Variants in FERMT2 observed in about 807,000 individuals in gnomAD.
FERMT2 encodes the protein fermitin family homolog 2.
FERMT2 carries 15 observed loss-of-function variants against 82.7 expected under a neutral mutation model. The ratio of observed to expected loss-of-function variants is 0.18; its 90% CI spans 0.12 to 0.28. The LOEUF is 0.28. FERMT2 is among the 10% of genes least tolerant of loss of function. The pLI is 1.00. For synonymous variants in FERMT2, 274 were observed against 271.5 expected, an observed-to-expected ratio of 1.01 and a Z score of -0.09; for missense variants, 645 against 809.4, an observed-to-expected ratio of 0.80 and a Z score of 2.46.
intron 4 of FERMT2, 119 bp downstream of exon 4, chr14:52,893,174 T>G (rs1464438803): frequency 1.1e-6 from 1 of 908,798 alleles, no homozygotes; most frequent in African/African-American, 1.7e-5. Context: ...TTGAAGTTTT[T>G]GTTTTTTTAA....
At chr14:52,906,212 CAG>C (rs1427986953) in intron 3 of FERMT2, among the ~76,000 whole-genome samples, 1 of 152,090 alleles carries the variant, frequency 6.6e-6, no homozygotes, top group Admixed American at 6.6e-5. Context: ...GGGAGCTCCA[CAG>C]AGAGTGCTCT....
chr14:52,874,253 AT>A (rs1566722767), intron 8 of FERMT2, 27 bp from the exon 9 acceptor site: 3 of 1,484,732 alleles, frequency 2.0e-6, no homozygotes, highest in East Asian at 2.3e-5. Flanking sequence ...TCCTTTTTTA[AT>A]TTTTTTAATA....
At chr14:52,921,400 C>A (rs1425514475) in intron 2 of FERMT2, among the ~76,000 whole-genome samples, 1 of 152,172 alleles carries the variant, frequency 6.6e-6, no homozygotes, top group African/African-American at 2.4e-5. Flanking sequence ...TGAAGTTTGG[C>A]AAAAGAATGC....
intron 6 of FERMT2, among the ~76,000 whole-genome samples, chr14:52,880,327 T>G (rs967453192): frequency 4.6e-5 from 7 of 152,214 alleles, no homozygotes. Context: ...ATTGAAAAGG[T>G]AACCTTTTTG....
chr14:52,950,361 C>A (rs1374471285), intron 2 of FERMT2, 51 bp downstream of exon 2: 7 of 1,585,714 alleles, frequency 4.4e-6, no homozygotes, highest in Non-Finnish European at 6.0e-6. Flanking sequence ...CTTTCCTCCC[C>A]CTACCAATTC....
intron 7 of FERMT2, among the ~76,000 whole-genome samples, chr14:52,875,645 C>A (rs1416497733): frequency 6.6e-6 from 1 of 151,824 alleles, no homozygotes; most frequent in African/African-American, 2.4e-5. Flanking sequence ...TTCACATTAA[C>A]AGAGATTTTT....
In FERMT2 at chr14:52,919,274, A is replaced by G. The variant is rs1437724181; in HGVS notation, c.240T>C (p.Asp80=). Residue 80 remains aspartate (D), a synonymous_variant, in exon 3 of 15, where the codon GAT becomes GAC. Transcript: ENST00000341590. ...TWLLKTHWTL[D]KYGIQADAKL... is the part of the protein sequence containing the mutation. The stretch of plus-strand genomic sequence containing the variant: ...TAGCATCTGCCTGAATACCATACTT[A>G]TCTAAGGTCCAATGTGTCTTCAGAA... 1.2e-6 allele frequency: 2 copies of G among 1,613,966 alleles called. No homozygotes were observed. The highest frequency in any genetic ancestry group is 2.7e-5 in the African/African-American group (2 of 74,894).
At chr14:52,889,249 C>T (rs1336663853) in intron 4 of FERMT2, among the ~76,000 whole-genome samples, 1 of 152,134 alleles carries the variant, frequency 6.6e-6, no homozygotes, top group East Asian at 1.9e-4. Flanking sequence ...TCAGTAATAG[C>T]AACGTTTTAA....
chr14:52,911,426 C>T (rs8020677), intron 3 of FERMT2, among the ~76,000 whole-genome samples: 9,335 of 151,700 alleles, frequency 0.062, 854 homozygotes, highest in African/African-American at 0.2. Context: ...CTGAGGCGGG[C>T]GGATCACAAG....
intron 10 of FERMT2, among the ~76,000 whole-genome samples, chr14:52,870,312 T>C (rs1138012): frequency 6.6e-6 from 1 of 151,422 alleles, no homozygotes; most frequent in East Asian, 1.9e-4. Flanking sequence ...TGCAATGGCG[T>C]GATCTCAGCT....
chr14:52,922,433 G>A (rs1162662106), intron 2 of FERMT2, among the ~76,000 whole-genome samples: 3 of 151,998 alleles, frequency 2.0e-5, no homozygotes, highest in Non-Finnish European at 4.4e-5. Context: ...AGTGAAAGAG[G>A]GGGGCCTCCA....
intron 2 of FERMT2, among the ~76,000 whole-genome samples, chr14:52,922,598 C>T (rs1178579339): frequency 2.0e-5 from 3 of 152,158 alleles, no homozygotes; most frequent in Non-Finnish European, 2.9e-5. Flanking sequence ...GGCAAAGACA[C>T]TAACGTGATA....
chr14:52,925,147 C>A (rs1400914420), intron 2 of FERMT2, among the ~76,000 whole-genome samples: 1 of 152,140 alleles, frequency 6.6e-6, no homozygotes, highest in African/African-American at 2.4e-5. Context: ...CTATTCTATT[C>A]ATTAGTAGCA....
chr14:52,932,063 T>C (rs1287982512), intron 2 of FERMT2, among the ~76,000 whole-genome samples: 4 of 152,130 alleles, frequency 2.6e-5, no homozygotes, highest in Non-Finnish European at 2.9e-5. Context: ...AAAAGGTAAA[T>C]ACTATTATAA....
chr14:52,884,932 G>A lies in FERMT2; in HGVS notation c.527-3463C>T, dbSNP rs1337528666. The stretch of plus-strand genomic sequence containing the variant: ...CAGGAGAATCGCTTGAACCGAGGAG[G>A]TGGAGGTTGCAGTGAGCAGAGATTG... On this transcript the variant is annotated intron_variant, in intron 4 of 14. Transcript: ENST00000341590. 5.3e-5 allele frequency among the ~76,000 whole-genome samples: 8 copies of A among 152,018 alleles called. No homozygotes were observed. In the South Asian group the frequency reaches 1.2e-3, roughly 24 times the overall value.
intron 7 of FERMT2, among the ~76,000 whole-genome samples, chr14:52,876,479 T>A (rs1019790380): frequency 6.6e-6 from 1 of 152,190 alleles, no homozygotes; most frequent in African/African-American, 2.4e-5. Context: ...TCTGCATTTT[T>A]ACTCACTGCT....
At chr14:52,922,867 A>G (rs1302921397) in intron 2 of FERMT2, among the ~76,000 whole-genome samples, 2 of 152,196 alleles carry the variant, frequency 1.3e-5, no homozygotes, top group Non-Finnish European at 2.9e-5. Flanking sequence ...GAGTCACTTA[A>G]CAAGGGGGAT....
intron 2 of FERMT2, among the ~76,000 whole-genome samples, chr14:52,935,903 G>A (rs1254324484): frequency 6.6e-6 from 1 of 152,156 alleles, no homozygotes; most frequent in Non-Finnish European, 1.5e-5. Context: ...CTAACTCAAA[G>A]CAGTTAAGAA....
At chr14:52,908,042 TCAAA>T (rs977154739) in intron 3 of FERMT2, among the ~76,000 whole-genome samples, 16 of 152,266 alleles carry the variant, frequency 1.1e-4, no homozygotes, top group Non-Finnish European at 1.8e-4. Context: ...GGCGAAGGAC[TCAAA>T]CAGACACCTC....
Sources: allele counts gnomAD v4.1 joint callset (sites outside exome capture counted in the v4.1 genomes callset), GRCh38; gene constraint gnomAD v4.1.1; transcripts MANE v1.5; gene names NCBI Gene and HGNC (gene_info 2026-07-23, HGNC 2026-07-21).